Variants in PCNX2 observed in about 807,000 individuals in gnomAD.
PCNX2 encodes the protein pecanex 2, also known as pecanex-like protein 2.
PCNX2 carries 168 observed loss-of-function variants against 223.8 expected under a neutral mutation model. The ratio of observed to expected loss-of-function variants is 0.75; its 90% CI spans 0.66 to 0.85. PCNX2 has a LOEUF of 0.85. PCNX2 is among the 40% of genes least tolerant of loss of function. The pLI is 0.00. For missense variants in PCNX2, 2,507 were observed against 2,675.5 expected, an observed-to-expected ratio of 0.94 and a Z score of 1.39; for synonymous variants, 1,006 against 1,052.6, an observed-to-expected ratio of 0.96 and a Z score of 0.86.
In PCNX2 at chr1:233,025,328, A is replaced by C; in HGVS notation, c.4423T>G (p.Cys1475Gly). 6.2e-7 allele frequency: 1 copy of C among 1,613,972 alleles called. No individual in the cohort carries two copies. The highest frequency in any genetic ancestry group is 8.5e-7 in the Non-Finnish European group (1 of 1,179,868). Residue 1475 changes from cysteine to glycine, a missense_variant, in exon 26 of 34, where the codon TGC becomes GGC. Physicochemically the swap from Cys to Gly is radical, Grantham distance 159. This residue lies in a region of PCNX2 where 1,372 missense variants were observed against 1,509.4 expected (regional missense o/e 0.91). Coordinates refer to ENST00000258229, the MANE Select transcript of PCNX2 (RefSeq NM_014801.4). ...AGGTGAGGCAAGTGGCCTGGTTTGC[A>C]GCAGCAGCAGCCTCTGTCCTCCTCG... ...GDEEDRGCCCCKPGHLPHLLS... is the reference protein window; with the variant it reads ...GDEEDRGCCCGKPGHLPHLLS...
intron 10 of PCNX2, among the ~76,000 whole-genome samples, chr1:233,218,465 T>A (rs774180515): frequency 7.9e-5 from 12 of 152,044 alleles, no homozygotes; most frequent in Admixed American, 2.0e-4. Flanking sequence ...TTAGTCAGGA[T>A]GGTCTTGATC....
At chr1:233,214,913 T>C (rs1682031900) in intron 12 of PCNX2, among the ~76,000 whole-genome samples, 1 of 152,224 alleles carries the variant, frequency 6.6e-6, no homozygotes, top group Admixed American at 6.5e-5. Flanking sequence ...TTCATTTCGC[T>C]ATCTTCTGAT....
intron 17 of PCNX2, among the ~76,000 whole-genome samples, chr1:233,162,000 A>G (rs1160526938): frequency 6.7e-6 from 1 of 148,660 alleles, no homozygotes; most frequent in Non-Finnish European, 1.5e-5. Flanking sequence ...ATTTATATAT[A>G]CATGTATGTT....
chr1:233,125,194 T>G (rs928502526), intron 21 of PCNX2, among the ~76,000 whole-genome samples: 1 of 152,246 alleles, frequency 6.6e-6, no homozygotes, highest in Non-Finnish European at 1.5e-5. Context: ...CTTTGATCTC[T>G]GAAGGCTCTG....
At chr1:232,986,645 C>T (rs1669500082) in intron 32 of PCNX2, 105 bp from the exon 33 acceptor site, 2 of 1,028,892 alleles carry the variant, frequency 1.9e-6, no homozygotes, top group African/African-American at 1.6e-5. Flanking sequence ...AGGACCCCTC[C>T]TCAGTGCACC....
At chr1:233,205,626 G>A (rs1332039197) in intron 13 of PCNX2, among the ~76,000 whole-genome samples, 5 of 151,966 alleles carry the variant, frequency 3.3e-5, no homozygotes, top group Non-Finnish European at 2.9e-5. Context: ...AACCCAGGAG[G>A]CAGAGGTTGC....
chr1:233,002,986 C>T (rs1670142552), intron 28 of PCNX2, among the ~76,000 whole-genome samples: 2 of 152,172 alleles, frequency 1.3e-5, no homozygotes, highest in Admixed American at 6.5e-5. Flanking sequence ...CTTCCTTACA[C>T]CTTATACAAA....
intron 10 of PCNX2, among the ~76,000 whole-genome samples, chr1:233,224,937 C>G (rs1389691931): frequency 6.6e-6 from 1 of 151,594 alleles, no homozygotes; most frequent in East Asian, 1.9e-4. Flanking sequence ...CATCACACAC[C>G]GGGGCCTGTC....
chr1:233,245,486 C>T (rs1010177849), intron 8 of PCNX2, among the ~76,000 whole-genome samples: 83 of 152,210 alleles, frequency 5.5e-4, no homozygotes, highest in African/African-American at 1.9e-3. Context: ...GGATGCCGCA[C>T]ATGTGTGCAA....
chr1:233,223,376 C>T (rs1355946972), intron 10 of PCNX2, among the ~76,000 whole-genome samples: 1 of 152,132 alleles, frequency 6.6e-6, no homozygotes, highest in Non-Finnish European at 1.5e-5. Context: ...ACAGGCAACC[C>T]TTCAAGGAGT....
rs770182379 is a variant in PCNX2 at position 233,054,394 on chromosome 1, G to A, written c.4225C>T (p.Arg1409Cys). 9.3e-6 allele frequency: 15 copies of A among 1,613,722 alleles called. No homozygotes were observed. The highest frequency in any genetic ancestry group is 2.2e-5 in the East Asian group (1 of 44,888). Residue 1409 changes from arginine to cysteine, a missense_variant, in exon 25 of 34, where the codon CGT becomes TGT. Arg to Cys is a radical substitution (Grantham distance 180, BLOSUM62 -3). Around this residue, in one of 3 missense-constraint regions of PCNX2, gnomAD observed 1,372 missense variants for 1,509.4 expected, o/e 0.91. Coordinates refer to ENST00000258229, the MANE Select transcript of PCNX2 (RefSeq NM_014801.4). ...TCGCCAGAGCTGTAGTTGCCCCAAC[G>A]TCCAAGAACTAAGTCTCCACAGAGG... ...ESLCGDLVLG[R>C]WGNYSSGDCF... is the part of the protein sequence containing the mutation.
chr1:233,284,910 G>T, intron 1 of PCNX2: 1 of 945,922 alleles, frequency 1.1e-6, no homozygotes, highest in Non-Finnish European at 1.3e-6. Context: ...ATCATCCAGG[G>T]TCATGGGGGG....
At chr1:233,313,923 T>C in the PCNX2 span, among the ~76,000 whole-genome samples, 6 of 152,352 alleles carry the variant, frequency 3.9e-5, no homozygotes, top group African/African-American at 1.4e-4. Flanking sequence ...TAAAGTTTCC[T>C]AGCTCCTGTG....
At chr1:233,111,748 G>C (rs1675128409) in intron 21 of PCNX2, among the ~76,000 whole-genome samples, 1 of 152,160 alleles carries the variant, frequency 6.6e-6, no homozygotes, top group South Asian at 2.1e-4. Context: ...TCCCCCATTA[G>C]AATGCACTGT....
Position 233,001,976 on chromosome 1 carries a change from G to A in PCNX2, c.4953-295C>T, listed in dbSNP as rs1387372266. ...GATTCCAGGTCAGAACTGGCCTCAC[G>A]TGTCCACTCAAAGTTAGAGTGCTAA... On this transcript the variant is annotated intron_variant, in intron 28 of 33. Transcript: ENST00000258229. The surrounding 1 kb of genome is among the most constrained non-coding windows in gnomAD (Gnocchi z 4.2). 3.9e-5 allele frequency among the ~76,000 whole-genome samples: 6 copies of A among 152,196 alleles called. No homozygotes were observed. The highest frequency in any genetic ancestry group is 4.2e-4 in the South Asian group (2 of 4,806).
intron 1 of PCNX2, among the ~76,000 whole-genome samples, chr1:233,276,017 G>T (rs181405527): frequency 1.3e-5 from 2 of 149,406 alleles, no homozygotes; most frequent in Admixed American, 6.7e-5. Flanking sequence ...ATGACTGAGC[G>T]AGACTGTCTC....
At chr1:233,014,111 G>A (rs1670567904) in intron 28 of PCNX2, among the ~76,000 whole-genome samples, 1 of 152,202 alleles carries the variant, frequency 6.6e-6, no homozygotes, top group Non-Finnish European at 1.5e-5. Flanking sequence ...AGCCAGCAGA[G>A]TTTGATTTTG....
chr1:233,278,013 A>G (rs1419992680), intron 1 of PCNX2, among the ~76,000 whole-genome samples: 1 of 152,240 alleles, frequency 6.6e-6, no homozygotes, highest in Non-Finnish European at 1.5e-5. Context: ...TAAAGGGTTC[A>G]GTGTAAACTA....
chr1:233,074,156 G>C (rs1333747756), intron 23 of PCNX2, among the ~76,000 whole-genome samples: 3 of 152,016 alleles, frequency 2.0e-5, no homozygotes, highest in East Asian at 1.9e-4. Context: ...ATTGTGGCCG[G>C]AGAACATTCT....
Sources: allele counts gnomAD v4.1 joint callset (sites outside exome capture counted in the v4.1 genomes callset), GRCh38; gene constraint gnomAD v4.1.1; regional missense constraint gnomAD v4.1.1; non-coding constraint Gnocchi (gnomAD v3.1); transcripts MANE v1.5; gene names NCBI Gene and HGNC (gene_info 2026-07-23, HGNC 2026-07-21).